FRMD4B: variants seen among roughly 807,000 people sequenced by gnomAD.
The protein encoded by FRMD4B is FERM domain containing 4B.
In FRMD4B, 74 loss-of-function variants were observed where a neutral mutation model predicts 141.5. That is an observed-to-expected ratio of 0.52 (90% confidence interval 0.43 to 0.63). The LOEUF (loss-of-function observed/expected upper bound fraction) is 0.63. Among genes scored for constraint, FRMD4B ranks in the 30% least tolerant of loss-of-function variants. The probability of loss-of-function intolerance (pLI) is 0.00; values close to 1 mark genes in which losing one functional copy is unlikely to be tolerated. For synonymous variants in FRMD4B, 506 were observed against 467.9 expected (o/e 1.08, Z -1.05); for missense variants, 1,366 against 1,253.4 (o/e 1.09, Z -1.36).
At chr3:69,384,906 C>T (rs1417668799) in intron 1 of FRMD4B, among the ~76,000 whole-genome samples, 1 of 152,004 alleles carries the variant, frequency 6.6e-6, no homozygotes, top group Non-Finnish European at 1.5e-5. Context: ...GGGGGGAAAT[C>T]CAGGAACTGC....
At chr3:69,350,408 C>G (rs1419336979) in intron 1 of FRMD4B, among the ~76,000 whole-genome samples, 2 of 152,182 alleles carry the variant, frequency 1.3e-5, no homozygotes, top group African/African-American at 2.4e-5. Flanking sequence ...TTGTGGAAGA[C>G]AGTGTGGCGA....
At position 69,358,910 on chromosome 3, in the gene FRMD4B, C is replaced by A. The variant is rs189651772; in HGVS notation, c.162+26918G>T. Among the ~76,000 whole-genome samples, 626 of 152,320 alleles carry A rather than the reference C, an allele frequency of 4.1e-3. 3 individuals are homozygous for A. The highest frequency in any genetic ancestry group is 0.013 in the African/African-American group (559 of 41,556). ...TCCTGTGAACCTGTGCACCCTTCTG[C>A]CTTCAGCCATGGGATGACCCTGCCA... On this transcript the variant is annotated intron_variant, in intron 1 of 22. Transcript: ENST00000398540.
chr3:69,329,516 A>AT (rs10554375), intron 1 of FRMD4B, among the ~76,000 whole-genome samples: 20,477 of 55,006 alleles, frequency 0.37, 7,262 homozygotes, highest in Non-Finnish European at 0.53. Context: ...TGCCCAGCTA[A>AT]TTTTTTTTTT....
At chr3:69,277,678 C>T (rs994984453) in intron 5 of FRMD4B, among the ~76,000 whole-genome samples, 27 of 150,778 alleles carry the variant, frequency 1.8e-4, no homozygotes, top group South Asian at 1.3e-3. Flanking sequence ...ACTACAGGCA[C>T]GCACCACCAC....
chr3:69,188,269 A>T (rs2092792012), intron 18 of FRMD4B, among the ~76,000 whole-genome samples: 1 of 152,162 alleles, frequency 6.6e-6, no homozygotes, highest in Non-Finnish European at 1.5e-5. Flanking sequence ...GTTGGCCTGG[A>T]TCATTTTTGT....
intron 3 of FRMD4B, among the ~76,000 whole-genome samples, chr3:69,304,255 G>A (rs1701314787): frequency 6.6e-6 from 1 of 151,624 alleles, no homozygotes; most frequent in Non-Finnish European, 1.5e-5. Flanking sequence ...AGGCCGAGGT[G>A]GGCAGATCCC....
chr3:69,528,857 C>A (rs898669331), intron 1 of FRMD4B, among the ~76,000 whole-genome samples: 1 of 151,268 alleles, frequency 6.6e-6, no homozygotes, highest in African/African-American at 2.4e-5. Context: ...GTGATACTCA[C>A]CATGGTGGAA....
intron 5 of FRMD4B, 36 bp downstream of exon 5, chr3:69,287,716 G>C: frequency 1.9e-6 from 2 of 1,063,358 alleles, no homozygotes; most frequent in Non-Finnish European, 2.9e-6. Flanking sequence ...AGTCGCTCTG[G>C]AGGCATCCAG....
chr3:69,496,386 C>G (rs572275601), intron 1 of FRMD4B, among the ~76,000 whole-genome samples: 1 of 152,120 alleles, frequency 6.6e-6, no homozygotes, highest in African/African-American at 2.4e-5. Flanking sequence ...CCAATCAAAA[C>G]ACTGAACCCT....
In FRMD4B at chr3:69,182,728, A is replaced by G. The variant is rs2092721464; in HGVS notation, c.1920-11T>C. ...GTGGACAGCATTTCTCTGTGATGAT[A>G]AAAAGAAGAATTCAGGAAATGATGA... On this transcript the variant is annotated splice_polypyrimidine_tract_variant and intron_variant, in intron 19 of 22. Transcript: ENST00000398540. 3 of 1,610,250 alleles carry G rather than the reference A, an allele frequency of 1.9e-6. No homozygotes were observed. Among genetic ancestry groups the G allele is most frequent in the Middle Eastern group, 1.7e-4 (1 of 6,036 alleles).
chr3:69,495,856 G>A (rs929797810), intron 1 of FRMD4B, among the ~76,000 whole-genome samples: 2 of 151,860 alleles, frequency 1.3e-5, no homozygotes, highest in Non-Finnish European at 2.9e-5. Flanking sequence ...TTAAATTGAG[G>A]GCCATCATTT....
chr3:69,528,236 C>CCCTCCCTG (rs1700957195), intron 1 of FRMD4B, among the ~76,000 whole-genome samples: 1 of 151,312 alleles, frequency 6.6e-6, no homozygotes, highest in African/African-American at 2.4e-5. Context: ...TTCCTTCCCT[C>CCCTCCCTG]CCTCCCTGCC....
At chr3:69,244,099 A>G (rs2093407331) in intron 7 of FRMD4B, among the ~76,000 whole-genome samples, 1 of 152,138 alleles carries the variant, frequency 6.6e-6, no homozygotes, top group Non-Finnish European at 1.5e-5. Flanking sequence ...TCAACACATA[A>G]TTCACACACA....
At chr3:69,196,868 C>A (rs748876090) in intron 13 of FRMD4B, 32 bp downstream of exon 13, 1 of 1,540,240 alleles carries the variant, frequency 6.5e-7, no homozygotes, top group Non-Finnish European at 8.9e-7. Flanking sequence ...AAAGGGGAAT[C>A]TGTCCCTATA....
At position 69,193,628 on chromosome 3, in the gene FRMD4B, A is replaced by T. The variant is rs200491804; in HGVS notation, c.1714+20T>A. 691 of 1,498,490 alleles carry T rather than the reference A, an allele frequency of 4.6e-4. 3 individuals are homozygous for T. The highest frequency in any genetic ancestry group is 5.9e-4 in the Non-Finnish European group (645 of 1,085,132). 92.8% of individuals were successfully genotyped at this position (1,498,490 alleles called of 1,614,324 possible). On this transcript the variant is annotated intron_variant, in intron 17 of 22. Transcript: ENST00000398540. ...TACTGAGTAGGGGACTCAAAAAAAA[A>T]AACCTTACTTATTACTAACCTGGTA... is the stretch of plus-strand genomic sequence containing the variant.
At chr3:69,457,898 C>A (rs921297063) in intron 1 of FRMD4B, among the ~76,000 whole-genome samples, 2 of 152,116 alleles carry the variant, frequency 1.3e-5, no homozygotes, top group African/African-American at 4.8e-5. Flanking sequence ...GTAACACCCC[C>A]AGGGGCAGCT....
chr3:69,238,012 G>A (rs546621187), intron 7 of FRMD4B, among the ~76,000 whole-genome samples: 54 of 152,180 alleles, frequency 3.5e-4, no homozygotes, highest in South Asian at 6.2e-4. Context: ...GATTACAGGC[G>A]TGAGCCACAG....
intron 9 of FRMD4B, among the ~76,000 whole-genome samples, chr3:69,220,590 G>A (rs906688650): frequency 3.3e-5 from 5 of 152,202 alleles, no homozygotes; most frequent in Middle Eastern, 3.2e-3. Flanking sequence ...AGTGGCCCAT[G>A]TCTATAATCC....
intron 1 of FRMD4B, among the ~76,000 whole-genome samples, chr3:69,530,949 A>T (rs1193030172): frequency 6.6e-6 from 1 of 152,234 alleles, no homozygotes; most frequent in African/African-American, 2.4e-5. Flanking sequence ...TTTTAAAGCA[A>T]CCGGACAGAC....
Sources: gnomAD v4.1 joint callset for allele counts (sites outside exome capture counted in the v4.1 genomes callset) on GRCh38, gnomAD v4.1.1 for gene constraint, MANE v1.5 for transcripts, NCBI Gene and HGNC (gene_info 2026-07-23, HGNC 2026-07-21) for gene names.